The following RBFOX1 variants were observed in gnomAD, a reference collection of about 807,000 sequenced individuals.
RBFOX1 encodes the protein RNA binding protein fox-1 homolog 1.
In RBFOX1, 8 loss-of-function variants were observed where a neutral mutation model predicts 57.7. The observed-to-expected ratio is 0.14, with a 90% CI of 0.08 to 0.25. RBFOX1 has a LOEUF of 0.25. Ranked by LOEUF, RBFOX1 falls within the 10% of genes least tolerant of loss-of-function variation. RBFOX1 has a pLI of 1.00. For missense variants in RBFOX1, 611 were observed against 548.5 expected (o/e 1.11, Z -1.14); for synonymous variants, 326 against 222.4 (o/e 1.47, Z -4.15).
chr16:7,188,864 T>G lies in RBFOX1; in HGVS notation c.27+136766T>G, dbSNP rs117299912. Among the ~76,000 whole-genome samples the G allele has an allele frequency of 3.3e-4, 50 of 152,194 alleles. No homozygotes were observed. In the East Asian group the frequency reaches 8.9e-3, roughly 27 times the overall value. On this transcript the variant is annotated intron_variant, in intron 4 of 15. Coordinates refer to ENST00000550418, the MANE Select transcript of RBFOX1 (RefSeq NM_018723.4). Reference sequence around the variant, plus strand: ...GCAAATTTTGGAGTTGGAAAGGACATCAAGAAAAAGGTTTAAGGAACAGAG... The same window carrying G: ...GCAAATTTTGGAGTTGGAAAGGACAGCAAGAAAAAGGTTTAAGGAACAGAG...
At chr16:5,248,444 C>A (rs1275993924) in intron 1 of RBFOX1, among the ~76,000 whole-genome samples, 1 of 152,334 alleles carries the variant, frequency 6.6e-6, no homozygotes, top group South Asian at 2.1e-4. Context: ...ATTCTGGGGG[C>A]AGCCTTTCCC....
At chr16:6,976,314 G>A (rs571491297) in intron 3 of RBFOX1, among the ~76,000 whole-genome samples, 57 of 152,216 alleles carry the variant, frequency 3.7e-4, no homozygotes, top group Admixed American at 2.2e-3. Context: ...TGGCTTTAGA[G>A]GCCACACTCT....
At chr16:5,515,728 A>G (rs2043767814) in intron 2 of RBFOX1, among the ~76,000 whole-genome samples, 1 of 152,172 alleles carries the variant, frequency 6.6e-6, no homozygotes, top group Non-Finnish European at 1.5e-5. Context: ...TCTGCTGCAG[A>G]GAAGCTTTGG....
rs544428118 is a variant in RBFOX1 at position 7,571,438 on chromosome 16, G to A, written c.271-8339G>A. Among the ~76,000 whole-genome samples, 295 of 152,222 alleles carry A rather than the reference G, an allele frequency of 1.9e-3. 6 individuals are homozygous for A. Among genetic ancestry groups the A allele is most frequent in the Admixed American group, 0.016 (249 of 15,284 alleles). On this transcript the variant is annotated intron_variant, in intron 5 of 15. Transcript: ENST00000550418. The stretch of plus-strand genomic sequence containing the variant: ...ATCCAATTTCACCAGGATTAGTCTC[G>A]GGTTGCTCAGAGCTATTCATTGAAT...
At chr16:7,223,164 C>T (rs970965236) in intron 4 of RBFOX1, among the ~76,000 whole-genome samples, 1 of 152,176 alleles carries the variant, frequency 6.6e-6, no homozygotes, top group Non-Finnish European at 1.5e-5. Context: ...GAAGGGTTGA[C>T]CAGCCAGGAC....
chr16:7,051,833 T>C (rs909470609), intron 3 of RBFOX1, among the ~76,000 whole-genome samples: 12 of 152,296 alleles, frequency 7.9e-5, no homozygotes, highest in African/African-American at 2.9e-4. Flanking sequence ...GTCTCTCCTC[T>C]TCCCCTTTCC....
intron 1 of RBFOX1, among the ~76,000 whole-genome samples, chr16:6,304,394 C>T (rs1447303131): frequency 1.3e-5 from 2 of 152,090 alleles, no homozygotes; most frequent in East Asian, 1.9e-4. Flanking sequence ...CTTGTGAGCT[C>T]CCAGATTACT....
In RBFOX1 at chr16:5,274,704, G is replaced by A. The variant is rs184084426; in HGVS notation, c.219+34599G>A. ...CACTTATTAGTGGATGGGTTATTTT[G>A]CCTAGACTATGGCCGCAGGAGCCAC... On this transcript the variant is annotated intron_variant, in intron 1 of 2. Coordinates refer to the RBFOX1 transcript ENST00000585867. 1.2e-3 allele frequency among the ~76,000 whole-genome samples: 184 copies of A among 152,296 alleles called. 1 individual carries two copies. The highest frequency in any genetic ancestry group is 2.2e-3 in the Admixed American group (33 of 15,300).
chr16:6,518,825 ATCTATCTATCTATCTATCTATCTG>A (rs1290238804), intron 2 of RBFOX1, among the ~76,000 whole-genome samples: 27 of 123,160 alleles, frequency 2.2e-4, no homozygotes, highest in East Asian at 1.7e-3. Context: ...CTATCTATCT[ATCTATCTATCTATCTATCTATCTG>A]TCTTCCTGCA....
intron 1 of RBFOX1, among the ~76,000 whole-genome samples, chr16:5,448,335 C>A (rs2068316000): frequency 1.3e-5 from 2 of 152,130 alleles, no homozygotes; most frequent in South Asian, 4.1e-4. Context: ...AGAAAGGAAA[C>A]ACCGTCTGTG....
chr16:6,166,762 G>A (rs9938931), intron 1 of RBFOX1, among the ~76,000 whole-genome samples: 6,516 of 152,008 alleles, frequency 0.043, 166 homozygotes, highest in Middle Eastern at 0.068. Flanking sequence ...GCCCAGCCCC[G>A]TGGGGTTTTT....
chr16:6,428,676 C>T (rs1191350534), intron 2 of RBFOX1, among the ~76,000 whole-genome samples: 1 of 152,144 alleles, frequency 6.6e-6, no homozygotes, highest in Admixed American at 6.5e-5. Context: ...TATCTAAAAG[C>T]AGCTCACGTC....
At chr16:5,484,555 A>G (rs1207036775) in intron 2 of RBFOX1, among the ~76,000 whole-genome samples, 1 of 152,114 alleles carries the variant, frequency 6.6e-6, no homozygotes. Context: ...AGGCAGGAAG[A>G]CTGCTTGAGG....
Position 6,136,998 on chromosome 16 carries a change from C to T in RBFOX1, c.-127+117006C>T, listed in dbSNP as rs921437264. 3.3e-5 allele frequency among the ~76,000 whole-genome samples: 5 copies of T among 152,290 alleles called. 2 individuals carry two copies. The highest frequency in any genetic ancestry group is 1.3e-4 in the Admixed American group (2 of 15,308). ...TTTTTAATTGAGTTGTTAATTATCA[C>T]CCCTCCACCGCTGGAAACTCCCAAC... On this transcript the variant is annotated intron_variant, in intron 1 of 15. Transcript: ENST00000550418.
Position 7,029,505 on chromosome 16 carries a change from C to T in RBFOX1, c.-15-22552C>T, listed in dbSNP as rs368909781. 2.0e-5 allele frequency among the ~76,000 whole-genome samples: 3 copies of T among 151,758 alleles called. No individual in the cohort carries two copies. In the South Asian group the frequency reaches 6.2e-4, roughly 32 times the overall value. On this transcript the variant is annotated intron_variant, in intron 3 of 15. Transcript: ENST00000550418. Reference sequence around the variant, plus strand: ...GGTGACAAAGTCAGTGTTGGTGAAGCAGAATGAAGAGAGTGCTAGCTCTTA... The same window carrying T: ...GGTGACAAAGTCAGTGTTGGTGAAGTAGAATGAAGAGAGTGCTAGCTCTTA...
intron 2 of RBFOX1, among the ~76,000 whole-genome samples, chr16:5,580,581 G>A (rs1567254372): frequency 6.6e-6 from 1 of 152,170 alleles, no homozygotes; most frequent in Non-Finnish European, 1.5e-5. Context: ...CTTCAACGCT[G>A]GTTGTTCCCT....
intron 2 of RBFOX1, among the ~76,000 whole-genome samples, chr16:6,631,152 G>C (rs147547701): frequency 6.6e-6 from 1 of 152,074 alleles, no homozygotes; most frequent in African/African-American, 2.4e-5. Context: ...AATTTAGAAG[G>C]TCAAAGGCAG....
At chr16:5,730,674 T>A (rs1031021938) in intron 3 of RBFOX1, among the ~76,000 whole-genome samples, 1 of 151,882 alleles carries the variant, frequency 6.6e-6, no homozygotes, top group Non-Finnish European at 1.5e-5. Flanking sequence ...CCACTGCTGT[T>A]GTCACCAATG....
At chr16:6,488,273 G>T (rs1336644886) in intron 2 of RBFOX1, among the ~76,000 whole-genome samples, 1 of 152,184 alleles carries the variant, frequency 6.6e-6, no homozygotes, top group African/African-American at 2.4e-5. Flanking sequence ...ATCAGTTGTT[G>T]TCTGCAAAGA....
Sources: allele counts gnomAD v4.1 joint callset (sites outside exome capture counted in the v4.1 genomes callset), GRCh38; gene constraint gnomAD v4.1.1; transcripts MANE v1.5; gene names NCBI Gene and HGNC (gene_info 2026-07-23, HGNC 2026-07-21).